The following NEDD4L variants were observed in gnomAD, a reference collection of about 807,000 sequenced individuals.
NEDD4L encodes the protein E3 ubiquitin-protein ligase NEDD4-like.
Under a neutral mutation model 148.9 loss-of-function variants are expected in NEDD4L, and 54 were observed. That is an observed-to-expected ratio of 0.36 (90% confidence interval 0.29 to 0.45). The LOEUF is 0.45. NEDD4L is among the 20% of genes least tolerant of loss of function. The probability of loss-of-function intolerance (pLI) is 1.00; values close to 1 mark genes in which losing one functional copy is unlikely to be tolerated. For missense variants in NEDD4L, 856 were observed against 1,233.8 expected (o/e 0.69, Z 4.59); for synonymous variants, 433 against 440.7 (o/e 0.98, Z 0.22).
chr18:58,256,056 A>C lies in NEDD4L; in HGVS notation c.297+4002A>C. 1.6e-6 allele frequency: 2 copies of C among 1,229,238 alleles called. No homozygotes were observed. Among genetic ancestry groups the C allele is most frequent in the Non-Finnish European group, 2.0e-6 (2 of 986,344 alleles). 76.1% of individuals were successfully genotyped at this position (1,229,238 alleles called of 1,614,324 possible). On this transcript the variant is annotated intron_variant, in intron 5 of 30. Coordinates refer to ENST00000400345, the MANE Select transcript of NEDD4L (RefSeq NM_001144967.3). The surrounding 1 kb of genome is among the most constrained non-coding windows in gnomAD (Gnocchi z 5.2). Reference sequence around the variant, plus strand: ...ACTGCCACCACGAGGGCCTCGCCCCAGAGTGGCTCCCGGGAGCCCTCGCCG... The same window carrying C: ...ACTGCCACCACGAGGGCCTCGCCCCCGAGTGGCTCCCGGGAGCCCTCGCCG...
At chr18:58,348,862 T>C (rs561883283) in intron 16 of NEDD4L, among the ~76,000 whole-genome samples, 71 of 152,326 alleles carry the variant, frequency 4.7e-4, no homozygotes, top group Non-Finnish European at 8.1e-4. Context: ...TGGTATCTTA[T>C]GAAGCTTATG....
At chr18:58,265,517 C>A (rs1434446406) in intron 5 of NEDD4L, among the ~76,000 whole-genome samples, 2 of 152,032 alleles carry the variant, frequency 1.3e-5, no homozygotes, top group Non-Finnish European at 1.5e-5. Flanking sequence ...TTCATTATAA[C>A]ATCATAGTGT....
At chr18:58,092,811 C>G (rs1289937449) in intron 1 of NEDD4L, among the ~76,000 whole-genome samples, 3 of 143,374 alleles carry the variant, frequency 2.1e-5, no homozygotes. Context: ...AATTCTCTCC[C>G]TGGTACCAAA....
chr18:58,366,989 A>G lies in NEDD4L; in HGVS notation c.2064-757A>G, dbSNP rs1255142860. The G allele has an allele frequency of 3.3e-5, 5 of 152,288 alleles. No individual in the cohort carries two copies. The highest frequency in any genetic ancestry group is 4.8e-5 in the African/African-American group (2 of 41,474). The allele number at this position is 152,288 out of a possible 1,614,324, so 9.4% of individuals were successfully genotyped here. On this transcript the variant is annotated intron_variant, in intron 21 of 30. Coordinates refer to ENST00000400345, the MANE Select transcript of NEDD4L (RefSeq NM_001144967.3). The surrounding 1 kb of genome is among the most constrained non-coding windows in gnomAD (Gnocchi z 4.2). The stretch of plus-strand genomic sequence containing the variant: ...ACATTCTTCCTGGTTGCTCTAGCCA[A>G]GAATTGCCCAATTGATTTGTTGTTA...
chr18:58,195,873 C>T (rs1350229210), intron 2 of NEDD4L: 1 of 441,288 alleles, frequency 2.3e-6, no homozygotes, highest in Non-Finnish European at 4.0e-6. Context: ...TGCTTGCTTT[C>T]TTTTTAAAAT....
chr18:58,103,129 A>AT (rs1336010772), intron 1 of NEDD4L, among the ~76,000 whole-genome samples: 1 of 151,650 alleles, frequency 6.6e-6, no homozygotes, highest in African/African-American at 2.4e-5. Flanking sequence ...ACCTTTGTCT[A>AT]TTTGTCTATG....
intron 1 of NEDD4L, among the ~76,000 whole-genome samples, chr18:58,095,022 A>T (rs547245881): frequency 6.6e-6 from 1 of 152,168 alleles, no homozygotes; most frequent in African/African-American, 2.4e-5. Context: ...CGATCTAGAT[A>T]TGTGTCTGAG....
At position 58,341,066 on chromosome 18, in the gene NEDD4L, C is replaced by A. The variant is rs543506411; in HGVS notation, c.1154C>A (p.Pro385Gln). Residue 385 changes from proline (P) to glutamine (Q), a missense_variant, in exon 14 of 31, where the codon CCG (proline) becomes CAG (glutamine). This residue lies in a region of NEDD4L where 367 missense variants were observed against 422.7 expected (regional missense o/e 0.87). Transcript: ENST00000400345. ...TCAGTGGCCTATGTACATACCACGC[C>A]GGGTCTGCCTTCAGGCTGGGAAGAA... ...TPSVAYVHTT[P>Q]GLPSGWEERK... 1 of 1,610,820 alleles carries A rather than the reference C, an allele frequency of 6.2e-7. No homozygotes were observed. The highest frequency in any genetic ancestry group is 2.2e-5 in the East Asian group (1 of 44,798).
intron 1 of NEDD4L, among the ~76,000 whole-genome samples, chr18:58,083,613 G>A (rs972328185): frequency 6.6e-6 from 1 of 152,118 alleles, no homozygotes; most frequent in South Asian, 2.1e-4. Context: ...GCATGAACTC[G>A]GGAGGCAGAG....
intron 1 of NEDD4L, among the ~76,000 whole-genome samples, chr18:58,129,699 C>T (rs1439682247): frequency 1.3e-5 from 2 of 152,220 alleles, no homozygotes; most frequent in Non-Finnish European, 2.9e-5. Context: ...TGTCCACACG[C>T]GTGGCTTCAT....
At chr18:58,226,849 C>T (rs925553716) in intron 2 of NEDD4L, among the ~76,000 whole-genome samples, 1 of 152,060 alleles carries the variant, frequency 6.6e-6, no homozygotes, top group African/African-American at 2.4e-5. Flanking sequence ...GACTCCAGAG[C>T]GCATGCCCTC....
At chr18:58,364,019 C>T (rs1248651055) in intron 19 of NEDD4L, among the ~76,000 whole-genome samples, 2 of 152,202 alleles carry the variant, frequency 1.3e-5, no homozygotes, top group African/African-American at 4.8e-5. Flanking sequence ...TAGCGTACCC[C>T]AAATGGTTTC....
chr18:58,396,857 TGAGA>T lies in NEDD4L; in HGVS notation c.*591_*594del, dbSNP rs1555879045. ...TCCAAAAACCTACAGACAAGTACTT[TGAGA>T]GAATTTCCAATATAATATTAGACAT... On this transcript the variant is annotated 3_prime_UTR_variant, in exon 31 of 31. Transcript: ENST00000400345. 6.6e-6 allele frequency: 1 copy of T among 152,600 alleles called. No individual in the cohort carries two copies. The highest frequency in any genetic ancestry group is 2.4e-5 in the African/African-American group (1 of 41,438). The allele number at this position is 152,600 out of a possible 1,614,324, so 9.5% of individuals were successfully genotyped here.
At chr18:58,380,302 T>TTATTTATG (rs2048172041) in intron 24 of NEDD4L, among the ~76,000 whole-genome samples, 1 of 148,084 alleles carries the variant, frequency 6.8e-6, no homozygotes, top group African/African-American at 2.5e-5. Context: ...TTTATTTTAT[T>TTATTTATG]TATTTATTTA....
intron 1 of NEDD4L, among the ~76,000 whole-genome samples, chr18:58,157,056 C>T (rs1398269850): frequency 6.6e-6 from 1 of 151,292 alleles, no homozygotes; most frequent in Admixed American, 6.6e-5. Context: ...GGTATGGTAG[C>T]ACACACCTGT....
chr18:58,264,860 C>G (rs1007189878), intron 5 of NEDD4L, among the ~76,000 whole-genome samples: 5 of 152,046 alleles, frequency 3.3e-5, no homozygotes, highest in African/African-American at 9.7e-5. Flanking sequence ...TTCTTTTTCT[C>G]TCTTGAGTAT....
At chr18:58,198,482 C>G (rs1007612356) in intron 2 of NEDD4L, among the ~76,000 whole-genome samples, 1 of 152,110 alleles carries the variant, frequency 6.6e-6, no homozygotes, top group African/African-American at 2.4e-5. Flanking sequence ...ATTTTAATTG[C>G]TGGTGGCAAA....
At chr18:58,244,961 G>A (rs2047082356) in intron 2 of NEDD4L, among the ~76,000 whole-genome samples, 1 of 152,186 alleles carries the variant, frequency 6.6e-6, no homozygotes, top group Non-Finnish European at 1.5e-5. Flanking sequence ...CTCTGAAAGT[G>A]CTGGGATTAC....
intron 25 of NEDD4L, among the ~76,000 whole-genome samples, chr18:58,384,020 G>A (rs1156850068): frequency 1.3e-5 from 2 of 152,164 alleles, no homozygotes; most frequent in East Asian, 1.9e-4. Context: ...ACTGCAGTGT[G>A]TGGTTCCTGG....
Sources: gnomAD v4.1 joint callset for allele counts (sites outside exome capture counted in the v4.1 genomes callset) on GRCh38, gnomAD v4.1.1 for gene constraint, gnomAD v4.1.1 regional missense constraint, Gnocchi (gnomAD v3.1) non-coding constraint, MANE v1.5 for transcripts, NCBI Gene and HGNC (gene_info 2026-07-23, HGNC 2026-07-21) for gene names.